Variants in AP3B1 observed in about 807,000 individuals in gnomAD.
The protein encoded by AP3B1 is adaptor related protein complex 3 subunit beta 1.
In AP3B1, 61 loss-of-function variants were observed where a neutral mutation model predicts 132.5. The ratio of observed to expected loss-of-function variants is 0.46; its 90% CI spans 0.37 to 0.57. The LOEUF (loss-of-function observed/expected upper bound fraction) is 0.57, where lower values mean the gene tolerates loss of function less well. Among genes scored for constraint, AP3B1 ranks in the 20% least tolerant of loss-of-function variants. The pLI, the probability that AP3B1 is intolerant of heterozygous loss-of-function variation, is 0.00. For missense variants in AP3B1, 1,120 were observed against 1,289.4 expected, an observed-to-expected ratio of 0.87 and a Z score of 2.01; for synonymous variants, 388 against 438.3, an observed-to-expected ratio of 0.89 and a Z score of 1.43.
At chr5:78,082,721 TTTCCAC>T (rs1448336822) in intron 22 of AP3B1, among the ~76,000 whole-genome samples, 1 of 152,182 alleles carries the variant, frequency 6.6e-6, no homozygotes, top group Non-Finnish European at 1.5e-5. Context: ...TAAAAGTGTA[TTTCCAC>T]AGAAAACCTC....
At chr5:78,019,202 C>T (rs1031507753) in intron 25 of AP3B1, among the ~76,000 whole-genome samples, 1 of 152,062 alleles carries the variant, frequency 6.6e-6, no homozygotes, top group Non-Finnish European at 1.5e-5. Flanking sequence ...GCAACAACTC[C>T]ACAGAGGACC....
chr5:78,095,591 G>C lies in AP3B1; in HGVS notation c.2470+5362C>G, dbSNP rs1580338858. Among the ~76,000 whole-genome samples, 5 of 152,160 alleles carry C rather than the reference G, an allele frequency of 3.3e-5. No homozygotes were observed. The East Asian group carries it at 9.7e-4, about 29-fold the overall frequency. ...TGGGGTTAATGAAAACCCTGAAGAG[G>C]GGTTTTCATCTCCCTCTCTGTTTCT... On this transcript the variant is annotated intron_variant, in intron 21 of 26. Coordinates refer to ENST00000255194, the MANE Select transcript of AP3B1 (RefSeq NM_003664.5).
At chr5:78,259,178 G>A (rs1747974532) in intron 2 of AP3B1, among the ~76,000 whole-genome samples, 1 of 151,914 alleles carries the variant, frequency 6.6e-6, no homozygotes, top group Non-Finnish European at 1.5e-5. Context: ...AACCCAGGAG[G>A]TGGAGCTTGC....
At chr5:78,212,941 G>A (rs1048935379) in intron 7 of AP3B1, among the ~76,000 whole-genome samples, 2 of 151,920 alleles carry the variant, frequency 1.3e-5, no homozygotes, top group Non-Finnish European at 2.9e-5. Context: ...GCAGTGGTGC[G>A]ATCTCGGCTC....
intron 3 of AP3B1, among the ~76,000 whole-genome samples, chr5:78,229,358 T>C (rs573844033): frequency 1.7e-4 from 26 of 152,310 alleles, no homozygotes; most frequent in African/African-American, 6.0e-4. Context: ...TCTAGCACTA[T>C]TTATAGCCTG....
chr5:78,122,988 C>T (rs1752291777), intron 17 of AP3B1, among the ~76,000 whole-genome samples: 1 of 152,130 alleles, frequency 6.6e-6, no homozygotes, highest in Non-Finnish European at 1.5e-5. Context: ...GGTACTGGTA[C>T]CAAAACAGAG....
chr5:78,116,038 C>T, intron 18 of AP3B1, 88 bp downstream of exon 18: 1 of 957,006 alleles, frequency 1.0e-6, no homozygotes, highest in South Asian at 1.3e-5. Context: ...AAACTACCTG[C>T]TGAATATTAT....
chr5:78,060,852 G>A (rs1749019269), intron 22 of AP3B1, among the ~76,000 whole-genome samples: 2 of 151,884 alleles, frequency 1.3e-5, no homozygotes, highest in Admixed American at 1.3e-4. Context: ...CTCTATCCAT[G>A]GATAAAAGTC....
intron 7 of AP3B1, among the ~76,000 whole-genome samples, chr5:78,201,836 C>T (rs1189983291): frequency 1.3e-5 from 2 of 152,156 alleles, no homozygotes; most frequent in African/African-American, 4.8e-5. Context: ...CGTTGTCCTC[C>T]TCTCCCCAGA....
intron 1 of AP3B1, among the ~76,000 whole-genome samples, chr5:78,279,850 AATAT>A (rs368156367): frequency 6.9e-5 from 8 of 115,988 alleles, no homozygotes; most frequent in African/African-American, 2.3e-4. Flanking sequence ...ATAGGACTTA[AATAT>A]ATATAGGACT....
intron 6 of AP3B1, 140 bp from the exon 7 acceptor site, chr5:78,216,377 T>C: frequency 4.9e-6 from 4 of 816,206 alleles, no homozygotes; most frequent in Non-Finnish European, 8.0e-6. Context: ...ATGTTCATGT[T>C]TGAATAACAA....
intron 17 of AP3B1, among the ~76,000 whole-genome samples, chr5:78,119,337 G>A (rs996732341): frequency 4.6e-5 from 7 of 152,326 alleles, no homozygotes; most frequent in East Asian, 1.9e-4. Context: ...AAAGCTGGAC[G>A]GAGAATGACG....
chr5:78,278,578 G>A (rs1396926088), intron 1 of AP3B1, among the ~76,000 whole-genome samples: 5 of 63,006 alleles, frequency 7.9e-5, no homozygotes, highest in African/African-American at 1.4e-4. Context: ...CAGCCTGGGC[G>A]ACAGAGCGAG....
intron 14 of AP3B1, among the ~76,000 whole-genome samples, chr5:78,145,888 G>C (rs1753369668): frequency 6.6e-6 from 1 of 152,174 alleles, no homozygotes; most frequent in Admixed American, 6.5e-5. Context: ...CCAGAAGAAA[G>C]ATGGACCCAG....
intron 24 of AP3B1, 72 bp from the exon 25 acceptor site, chr5:78,020,861 A>G: frequency 8.2e-7 from 1 of 1,220,486 alleles, no homozygotes; most frequent in Non-Finnish European, 1.2e-6. Context: ...AGTTAAATCA[A>G]TGCAATGAAA....
At chr5:78,135,343 A>G (rs1042052509) in intron 15 of AP3B1, among the ~76,000 whole-genome samples, 1 of 152,220 alleles carries the variant, frequency 6.6e-6, no homozygotes, top group Non-Finnish European at 1.5e-5. Flanking sequence ...ATATACATAA[A>G]GTAGAATATC....
intron 7 of AP3B1, among the ~76,000 whole-genome samples, chr5:78,202,209 C>T (rs1336355907): frequency 3.9e-5 from 6 of 152,158 alleles, no homozygotes; most frequent in Admixed American, 3.9e-4. Flanking sequence ...TGTAAGGCCT[C>T]CCCAGCCACG....
intron 14 of AP3B1, among the ~76,000 whole-genome samples, chr5:78,149,583 G>T (rs1288656214): frequency 6.6e-6 from 1 of 152,154 alleles, no homozygotes; most frequent in Non-Finnish European, 1.5e-5. Flanking sequence ...ACCGAGCACT[G>T]TTCTAAGTGC....
chr5:78,114,066 C>A, intron 18 of AP3B1, 143 bp from the exon 19 acceptor site: 1 of 909,932 alleles, frequency 1.1e-6, no homozygotes, highest in East Asian at 2.6e-5. Context: ...ATTTTATTCC[C>A]ACACCCCATT....
Sources: allele counts gnomAD v4.1 joint callset (sites outside exome capture counted in the v4.1 genomes callset), GRCh38; gene constraint gnomAD v4.1.1; transcripts MANE v1.5; gene names NCBI Gene and HGNC (gene_info 2026-07-23, HGNC 2026-07-21).